Variants in PBX3 observed in about 807,000 individuals in gnomAD.
PBX3 encodes PBX homeobox 3.
Under a neutral mutation model 48.5 loss-of-function variants are expected in PBX3, and 14 were observed. That is an observed-to-expected ratio of 0.29 (90% CI 0.19 to 0.45). The LOEUF (loss-of-function observed/expected upper bound fraction) is 0.45. Ranked by LOEUF, PBX3 falls within the 20% of genes least tolerant of loss-of-function variation. PBX3 has a pLI of 1.00. For synonymous variants in PBX3, 210 were observed against 200.3 expected (o/e 1.05, Z -0.41); for missense variants, 386 against 546.7 (o/e 0.71, Z 2.93).
At chr9:125,863,153 C>T (rs1839903032) in intron 2 of PBX3, among the ~76,000 whole-genome samples, 1 of 151,698 alleles carries the variant, frequency 6.6e-6, no homozygotes, top group Non-Finnish European at 1.5e-5. Flanking sequence ...TTGCTTCTGC[C>T]TCCCAAAGTG....
At chr9:125,817,958 T>A (rs1420344006) in intron 2 of PBX3, among the ~76,000 whole-genome samples, 1 of 152,148 alleles carries the variant, frequency 6.6e-6, no homozygotes, top group Non-Finnish European at 1.5e-5. Context: ...ATCCCAGCAC[T>A]TTGGGAGGCC....
At chr9:125,861,737 A>G (rs1216858198) in intron 2 of PBX3, among the ~76,000 whole-genome samples, 1 of 152,220 alleles carries the variant, frequency 6.6e-6, no homozygotes, top group Non-Finnish European at 1.5e-5. Context: ...ATATTGTAAG[A>G]TTACATTTAT....
chr9:125,836,195 A>G (rs572430403), intron 2 of PBX3, among the ~76,000 whole-genome samples: 5 of 152,120 alleles, frequency 3.3e-5, no homozygotes, highest in Non-Finnish European at 7.4e-5. Flanking sequence ...CCTGTAATCC[A>G]AGCACTTTGG....
At chr9:125,758,017 G>A (rs118181520) in intron 2 of PBX3, among the ~76,000 whole-genome samples, 4 of 152,192 alleles carry the variant, frequency 2.6e-5, no homozygotes, top group East Asian at 1.9e-4. Flanking sequence ...GAATTTCCTC[G>A]TGTTCACCAC....
intron 5 of PBX3, among the ~76,000 whole-genome samples, chr9:125,952,514 T>C (rs1842215853): frequency 6.6e-6 from 1 of 152,242 alleles, no homozygotes; most frequent in South Asian, 2.1e-4. Flanking sequence ...AGAGACATTA[T>C]AGATGGTTTA....
intron 2 of PBX3, among the ~76,000 whole-genome samples, chr9:125,791,411 G>C (rs1027627351): frequency 6.6e-6 from 1 of 151,712 alleles, no homozygotes; most frequent in African/African-American, 2.4e-5. Flanking sequence ...CTTGAATCTT[G>C]TGTCAAATTG....
intron 2 of PBX3, among the ~76,000 whole-genome samples, chr9:125,822,511 A>C (rs966683782): frequency 6.6e-6 from 1 of 152,084 alleles, no homozygotes; most frequent in East Asian, 1.9e-4. Context: ...GTGGTTTTTC[A>C]TTGTAAATAA....
At chr9:125,815,509 T>TGTGTTATACA (rs1838433735) in intron 2 of PBX3, among the ~76,000 whole-genome samples, 1 of 152,228 alleles carries the variant, frequency 6.6e-6, no homozygotes, top group Non-Finnish European at 1.5e-5. Flanking sequence ...TCGTATAACA[T>TGTGTTATACA]AAGCAATGTG....
intron 5 of PBX3, among the ~76,000 whole-genome samples, chr9:125,941,374 A>G (rs907010540): frequency 3.3e-5 from 5 of 152,164 alleles, no homozygotes; most frequent in Admixed American, 2.6e-4. Flanking sequence ...TCACTGTGAG[A>G]TGGGGAACTG....
intron 2 of PBX3, among the ~76,000 whole-genome samples, chr9:125,877,765 C>G (rs1298380799): frequency 6.6e-6 from 1 of 152,184 alleles, no homozygotes; most frequent in African/African-American, 2.4e-5. Flanking sequence ...TCTGTATCAT[C>G]GTTAATATCA....
At chr9:125,778,610 T>C (rs1261149572) in intron 2 of PBX3, among the ~76,000 whole-genome samples, 3 of 150,522 alleles carry the variant, frequency 2.0e-5, no homozygotes, top group Non-Finnish European at 4.4e-5. Flanking sequence ...CTTTTCTTTT[T>C]TTTTTTTTTC....
At chr9:125,788,413 G>A (rs1159294447) in intron 2 of PBX3, among the ~76,000 whole-genome samples, 3 of 152,094 alleles carry the variant, frequency 2.0e-5, no homozygotes, top group African/African-American at 7.2e-5. Context: ...CATTGGGATG[G>A]GCAAGAAAAT....
intron 2 of PBX3, among the ~76,000 whole-genome samples, chr9:125,780,966 G>A (rs1253365241): frequency 7.0e-5 from 8 of 114,968 alleles, no homozygotes; most frequent in Non-Finnish European, 8.7e-5. Context: ...CGGGGTTGCG[G>A]CCGGGCAGAG....
chr9:125,900,506 C>T (rs548727681), intron 2 of PBX3, among the ~76,000 whole-genome samples: 21 of 151,598 alleles, frequency 1.4e-4, no homozygotes, highest in Non-Finnish European at 2.8e-4. Flanking sequence ...CAGTTTAAAA[C>T]TTCAGGCTTC....
chr9:125,949,213 C>T (rs567239077), intron 5 of PBX3, among the ~76,000 whole-genome samples: 1 of 152,160 alleles, frequency 6.6e-6, no homozygotes, highest in Admixed American at 6.5e-5. Context: ...TTAATGAGTC[C>T]ATTTTTTATC....
intron 2 of PBX3, among the ~76,000 whole-genome samples, chr9:125,806,367 G>GTAATTTATAAAGAGTAAATTTCT (rs1193964420): frequency 6.6e-6 from 1 of 152,132 alleles, no homozygotes; most frequent in Admixed American, 6.5e-5. Context: ...CTGAGACCGG[G>GTAATTTATAAAGAGTAAATTTCT]TAATTTATAA....
At chr9:125,903,517 A>C (rs940267963) in intron 2 of PBX3, among the ~76,000 whole-genome samples, 2 of 151,824 alleles carry the variant, frequency 1.3e-5, no homozygotes, top group Admixed American at 1.3e-4. Flanking sequence ...TCTAATTGTC[A>C]GTATTTTTGA....
chr9:125,956,710 GC>G (rs1842317430), intron 5 of PBX3, among the ~76,000 whole-genome samples: 1 of 152,094 alleles, frequency 6.6e-6, no homozygotes, highest in African/African-American at 2.4e-5. Context: ...TTCTTCCATG[GC>G]CCTTTGCCTT....
intron 2 of PBX3, among the ~76,000 whole-genome samples, chr9:125,803,236 G>C (rs1838021735): frequency 1.3e-5 from 2 of 150,984 alleles, no homozygotes; most frequent in Middle Eastern, 3.4e-3. Context: ...TATAGGCACG[G>C]GCCACCATGC....
Sources: gnomAD v4.1 joint callset for allele counts (sites outside exome capture counted in the v4.1 genomes callset) on GRCh38, gnomAD v4.1.1 for gene constraint, MANE v1.5 for transcripts, NCBI Gene and HGNC (gene_info 2026-07-23, HGNC 2026-07-21) for gene names.